The following ULK4 variants were observed in gnomAD, a reference collection of about 807,000 sequenced individuals.
ULK4 encodes unc-51 like kinase 4, also known as inactive serine/threonine-protein kinase ULK4.
A neutral mutation model predicts 160.6 loss-of-function variants in ULK4; 133 were observed. The ratio of observed to expected loss-of-function variants is 0.83; its 90% CI spans 0.72 to 0.96. The LOEUF is 0.96. Ranked by LOEUF, ULK4 falls within the 40% of genes least tolerant of loss-of-function variation. The pLI is 0.00. For synonymous variants in ULK4, 534 were observed against 539.8 expected (o/e 0.99, Z 0.15); for missense variants, 1,580 against 1,499.5 (o/e 1.05, Z -0.89).
intron 21 of ULK4, among the ~76,000 whole-genome samples, chr3:41,781,558 C>A (rs888266483): frequency 7.2e-5 from 11 of 152,020 alleles, no homozygotes; most frequent in Admixed American, 7.2e-4. Context: ...AAGGTAATTA[C>A]AAAATGATAT....
chr3:41,351,901 T>C (rs1437162891), intron 35 of ULK4, among the ~76,000 whole-genome samples: 5 of 152,224 alleles, frequency 3.3e-5, no homozygotes, highest in African/African-American at 7.2e-5. Context: ...ATCAGGGTGA[T>C]ACTGCTTCCA....
intron 35 of ULK4, among the ~76,000 whole-genome samples, chr3:41,256,111 A>G (rs1481592256): frequency 6.6e-6 from 1 of 152,208 alleles, no homozygotes; most frequent in East Asian, 1.9e-4. Flanking sequence ...TCAATATAAT[A>G]AAAATTTCTT....
At chr3:41,351,109 A>G (rs553377764) in intron 35 of ULK4, among the ~76,000 whole-genome samples, 1 of 152,338 alleles carries the variant, frequency 6.6e-6, no homozygotes, top group African/African-American at 2.4e-5. Flanking sequence ...AGGACGGAAG[A>G]TAAGTCAAGT....
intron 21 of ULK4, among the ~76,000 whole-genome samples, chr3:41,787,334 G>A (rs1463160601): frequency 6.6e-6 from 1 of 152,166 alleles, no homozygotes; most frequent in Non-Finnish European, 1.5e-5. Context: ...CATCAGTGGA[G>A]GCAATGATGA....
chr3:41,285,429 C>T (rs927176704), intron 35 of ULK4, among the ~76,000 whole-genome samples: 15 of 152,042 alleles, frequency 9.9e-5, no homozygotes, highest in East Asian at 3.9e-4. Context: ...AATGAATTAA[C>T]GGCATTTGCA....
At chr3:41,487,055 T>C (rs2084563556) in intron 32 of ULK4, among the ~76,000 whole-genome samples, 1 of 152,192 alleles carries the variant, frequency 6.6e-6, no homozygotes, top group Non-Finnish European at 1.5e-5. Flanking sequence ...AGTACGTAGT[T>C]TCCTTTAATA....
At chr3:41,445,776 A>T (rs1213196274) in intron 34 of ULK4, among the ~76,000 whole-genome samples, 17 of 152,188 alleles carry the variant, frequency 1.1e-4, no homozygotes, top group East Asian at 3.9e-4. Context: ...AAACCCTAGA[A>T]GAAAACCTAG....
At chr3:41,444,824 A>G (rs889188153) in intron 34 of ULK4, among the ~76,000 whole-genome samples, 6 of 152,120 alleles carry the variant, frequency 3.9e-5, no homozygotes, top group African/African-American at 1.4e-4. Context: ...CTTTAAAAAG[A>G]TACAATCTCA....
chr3:41,336,593 G>A (rs1200740968), intron 35 of ULK4, among the ~76,000 whole-genome samples: 1 of 152,202 alleles, frequency 6.6e-6, no homozygotes, highest in Non-Finnish European at 1.5e-5. Context: ...AGGCGCAGAA[G>A]AAGAAACAAC....
At chr3:41,422,636 T>A (rs576081610) in intron 34 of ULK4, among the ~76,000 whole-genome samples, 38 of 152,252 alleles carry the variant, frequency 2.5e-4, no homozygotes, top group African/African-American at 9.1e-4. Flanking sequence ...AAGTTTGTGA[T>A]ACGTCATTTT....
intron 31 of ULK4, among the ~76,000 whole-genome samples, chr3:41,576,262 T>C (rs2088184989): frequency 6.6e-6 from 1 of 152,222 alleles, no homozygotes; most frequent in Non-Finnish European, 1.5e-5. Flanking sequence ...TGTTGTTTCC[T>C]GAAGCTGGTG....
At chr3:41,831,417 CGT>C (rs1491287743) in intron 18 of ULK4, among the ~76,000 whole-genome samples, 9 of 119,908 alleles carry the variant, frequency 7.5e-5, no homozygotes, top group African/African-American at 3.6e-4. Context: ...ATATACTAGT[CGT>C]TTTTTTTTTT....
intron 32 of ULK4, among the ~76,000 whole-genome samples, chr3:41,514,405 G>C (rs1390995027): frequency 6.6e-6 from 1 of 152,206 alleles, no homozygotes; most frequent in East Asian, 1.9e-4. Flanking sequence ...GGTCATGTTT[G>C]ATCCAAATGA....
chr3:41,525,642 A>G (rs2086088763), intron 32 of ULK4, among the ~76,000 whole-genome samples: 1 of 152,208 alleles, frequency 6.6e-6, no homozygotes, highest in Non-Finnish European at 1.5e-5. Context: ...AGGAGCATCA[A>G]ATACTCCTTT....
chr3:41,953,283 C>T (rs56334130), intron 2 of ULK4, among the ~76,000 whole-genome samples: 2 of 15,458 alleles, frequency 1.3e-4, no homozygotes, highest in Admixed American at 1.8e-3. Flanking sequence ...TACATATATA[C>T]ACATATATAT....
At chr3:41,751,275 G>A (rs1166457318) in intron 22 of ULK4, among the ~76,000 whole-genome samples, 4 of 152,128 alleles carry the variant, frequency 2.6e-5, no homozygotes, top group African/African-American at 7.2e-5. Context: ...CACCATTTCC[G>A]TTCTGCTCAA....
chr3:41,261,120 A>G (rs1275051937), intron 35 of ULK4, among the ~76,000 whole-genome samples: 1 of 152,186 alleles, frequency 6.6e-6, no homozygotes, highest in Non-Finnish European at 1.5e-5. Context: ...GCGGGGGCAA[A>G]GTTGACAAAA....
At chr3:41,354,879 A>T (rs1010297734) in intron 35 of ULK4, among the ~76,000 whole-genome samples, 1 of 152,190 alleles carries the variant, frequency 6.6e-6, no homozygotes, top group Non-Finnish European at 1.5e-5. Flanking sequence ...TATTTCAGAG[A>T]TCCAGAATGG....
At chr3:41,609,029 G>A (rs1217899196) in intron 31 of ULK4, among the ~76,000 whole-genome samples, 2 of 152,188 alleles carry the variant, frequency 1.3e-5, no homozygotes, top group Non-Finnish European at 2.9e-5. Context: ...AGCAGAACTA[G>A]TAACAAGAAT....
Sources: gnomAD v4.1 joint callset for allele counts (sites outside exome capture counted in the v4.1 genomes callset) on GRCh38, gnomAD v4.1.1 for gene constraint, MANE v1.5 for transcripts, NCBI Gene and HGNC (gene_info 2026-07-23, HGNC 2026-07-21) for gene names.